Variants in CDYL2 observed in about 807,000 individuals in gnomAD.
CDYL2 encodes chromodomain Y like 2, also known as chromodomain Y-like protein 2.
In CDYL2, 23 loss-of-function variants were observed where a neutral mutation model predicts 49.4. The ratio of observed to expected loss-of-function variants is 0.47; its 90% CI spans 0.34 to 0.66. The LOEUF (loss-of-function observed/expected upper bound fraction) is 0.66, where lower values mean the gene tolerates loss of function less well. Among genes scored for constraint, CDYL2 ranks in the 30% least tolerant of loss-of-function variants. The pLI is 0.01. For synonymous variants in CDYL2, 360 were observed against 268.8 expected (o/e 1.34, Z -3.32); for missense variants, 678 against 656.4 (o/e 1.03, Z -0.36).
chr16:80,601,467 T>C lies in CDYL2; in HGVS notation c.*2921A>G, dbSNP rs900507301. On this transcript the variant is annotated 3_prime_UTR_variant, in exon 7 of 7. Transcript: ENST00000570137. ...TGCCCAGGCTCTTGGGAGTGACTTATGGGGGAAGGTACGGGAAAATGGTAG... is the reference window on the plus strand; with the variant it reads ...TGCCCAGGCTCTTGGGAGTGACTTACGGGGGAAGGTACGGGAAAATGGTAG... The C allele has an allele frequency of 2.6e-5, 4 of 151,914 alleles. No homozygotes were observed. The highest frequency in any genetic ancestry group is 9.7e-5 in the African/African-American group (4 of 41,314). The allele number at this position is 151,914 out of a possible 1,614,324, so 9.4% of individuals were successfully genotyped here.
At chr16:80,637,653 G>GT (rs766732213) in intron 2 of CDYL2, among the ~76,000 whole-genome samples, 99 of 139,394 alleles carry the variant, frequency 7.1e-4, no homozygotes, top group African/African-American at 3.1e-3. Context: ...GGAACTTGAT[G>GT]TTTTTTAAAA....
At chr16:80,743,270 T>C (rs1002244718) in intron 1 of CDYL2, among the ~76,000 whole-genome samples, 2 of 152,214 alleles carry the variant, frequency 1.3e-5, no homozygotes, top group African/African-American at 2.4e-5. Context: ...CCTTAAATGG[T>C]AAGCGCAGAC....
intron 1 of CDYL2, among the ~76,000 whole-genome samples, chr16:80,714,645 C>A (rs888193030): frequency 1.3e-5 from 2 of 152,264 alleles, no homozygotes; most frequent in African/African-American, 4.8e-5. Flanking sequence ...CTATCCCCGA[C>A]CCTAACTTTC....
At chr16:80,780,454 G>T (rs1907227046) in intron 1 of CDYL2, among the ~76,000 whole-genome samples, 1 of 145,024 alleles carries the variant, frequency 6.9e-6, no homozygotes, top group East Asian at 2.0e-4. Context: ...ACCCAGGCTG[G>T]AGTGCAGTGG....
intron 1 of CDYL2, among the ~76,000 whole-genome samples, chr16:80,743,488 G>C (rs1431676423): frequency 2.0e-5 from 1 of 51,100 alleles, no homozygotes; most frequent in African/African-American, 3.5e-5. Context: ...ACTTCAACCT[G>C]GAACTGGGGT....
At chr16:80,719,208 T>C (rs1904915103) in intron 1 of CDYL2, among the ~76,000 whole-genome samples, 1 of 152,042 alleles carries the variant, frequency 6.6e-6, no homozygotes, top group Admixed American at 6.6e-5. Context: ...AAGGCAATGT[T>C]TCTCAAACTG....
chr16:80,680,313 A>G (rs146393081), intron 2 of CDYL2, among the ~76,000 whole-genome samples: 257 of 152,358 alleles, frequency 1.7e-3, no homozygotes, highest in East Asian at 0.015. Context: ...AAAGGATCTT[A>G]AACGTCCTTT....
intron 2 of CDYL2, among the ~76,000 whole-genome samples, chr16:80,668,263 C>T: frequency 6.6e-6 from 1 of 152,188 alleles, no homozygotes; most frequent in South Asian, 2.1e-4. Context: ...AAGGTGTTCT[C>T]ACCACCTTCA....
chr16:80,755,440 G>T (rs970686492), intron 1 of CDYL2, among the ~76,000 whole-genome samples: 4 of 152,146 alleles, frequency 2.6e-5, no homozygotes, highest in African/African-American at 9.7e-5. Flanking sequence ...CTGACATCCT[G>T]TGGAAAACAA....
rs764547970 is a variant in CDYL2 at position 80,612,716 on chromosome 16, C to T, written c.1128G>A (p.Lys376=). The T allele has an allele frequency of 6.2e-7, 1 of 1,613,454 alleles. No individual in the cohort carries two copies. The highest frequency in any genetic ancestry group is 1.3e-5 in the African/African-American group (1 of 74,902). The change falls in exon 5 of 7, where the codon AAG becomes AAA. Residue 376 remains lysine, a synonymous_variant. Transcript: ENST00000570137. This position sits in a 1 kb window ranked among gnomAD's most constrained non-coding sequence, Gnocchi z 5.0. ...TGGCGTAGGGCGTCTGGAACCAGGC[C>T]TTCTCACTGGCCCACACGATGTCAC... ...PLCDIVWASE[K]AWFQTPYATI...
chr16:80,772,014 G>T (rs1023581102), intron 1 of CDYL2, among the ~76,000 whole-genome samples: 1 of 152,124 alleles, frequency 6.6e-6, no homozygotes, highest in Non-Finnish European at 1.5e-5. Context: ...CCCCTAAACT[G>T]ATGGAAAATA....
intron 2 of CDYL2, among the ~76,000 whole-genome samples, chr16:80,641,083 T>C (rs1050853429): frequency 5.3e-5 from 8 of 151,908 alleles, no homozygotes; most frequent in African/African-American, 1.2e-4. Context: ...GAGAAAGATA[T>C]CAATATCCAA....
intron 4 of CDYL2, among the ~76,000 whole-genome samples, chr16:80,614,499 T>G (rs971807591): frequency 6.6e-6 from 1 of 152,236 alleles, no homozygotes; most frequent in Non-Finnish European, 1.5e-5. Context: ...GACATCTATT[T>G]TAGGTTCATG....
At chr16:80,666,762 G>C (rs1909281459) in intron 2 of CDYL2, among the ~76,000 whole-genome samples, 1 of 152,210 alleles carries the variant, frequency 6.6e-6, no homozygotes, top group South Asian at 2.1e-4. Context: ...ACAGATGTCA[G>C]AAGGGTTTGC....
At chr16:80,633,494 T>C (rs73592254) in intron 2 of CDYL2, among the ~76,000 whole-genome samples, 8,961 of 152,242 alleles carry the variant, frequency 0.059, 810 homozygotes, top group African/African-American at 0.2. Context: ...TTCTCCCATA[T>C]ATCAGCTTCT....
intron 1 of CDYL2, among the ~76,000 whole-genome samples, chr16:80,802,927 A>G (rs969329772): frequency 3.3e-5 from 5 of 152,178 alleles, no homozygotes; most frequent in African/African-American, 9.7e-5. Flanking sequence ...GCTTATCTCA[A>G]TGGAGCCCCA....
intron 1 of CDYL2, among the ~76,000 whole-genome samples, chr16:80,755,467 C>G (rs1188399382): frequency 6.6e-6 from 1 of 152,184 alleles, no homozygotes; most frequent in Non-Finnish European, 1.5e-5. Flanking sequence ...ATACCTACAG[C>G]CAAGAAATGG....
intron 2 of CDYL2, among the ~76,000 whole-genome samples, chr16:80,634,937 G>C (rs1907748303): frequency 6.6e-6 from 1 of 152,196 alleles, no homozygotes; most frequent in African/African-American, 2.4e-5. Context: ...AGCTGTTCCA[G>C]AAAACAGGTT....
At position 80,666,722 on chromosome 16, in the gene CDYL2, A is replaced by G. The variant is rs577393411; in HGVS notation, c.616+17816T>C. On this transcript the variant is annotated intron_variant, in intron 2 of 6. Coordinates refer to ENST00000570137, the MANE Select transcript of CDYL2 (RefSeq NM_152342.4). ...CCCAGGACAACTCAAGGAGAGAAGGAAAGACTGGGCCAGGGGATGGGCAGC... is the reference window on the plus strand; with the variant it reads ...CCCAGGACAACTCAAGGAGAGAAGGGAAGACTGGGCCAGGGGATGGGCAGC... Among the ~76,000 whole-genome samples the G allele has an allele frequency of 5.3e-5, 8 of 152,294 alleles. 1 individual carries two copies. In the South Asian group the frequency reaches 1.2e-3, roughly 24 times the overall value.
Sources: gnomAD v4.1 joint callset for allele counts (sites outside exome capture counted in the v4.1 genomes callset) on GRCh38, gnomAD v4.1.1 for gene constraint, Gnocchi (gnomAD v3.1) non-coding constraint, MANE v1.5 for transcripts, NCBI Gene and HGNC (gene_info 2026-07-23, HGNC 2026-07-21) for gene names.